LRBA: variants seen among roughly 807,000 people sequenced by gnomAD.
LRBA encodes the protein LPS responsive beige-like anchor protein.
In LRBA, 176 loss-of-function variants were observed where a neutral mutation model predicts 330.0. The ratio of observed to expected loss-of-function variants is 0.53; its 90% CI spans 0.47 to 0.60. LRBA has a LOEUF of 0.60. Ranked by LOEUF, LRBA falls within the 20% of genes least tolerant of loss-of-function variation. The probability of loss-of-function intolerance (pLI) is 0.00; values close to 1 mark genes in which losing one functional copy is unlikely to be tolerated. For synonymous variants in LRBA, 1,230 were observed against 1,193.0 expected (o/e 1.03, Z -0.64); for missense variants, 3,259 against 3,444.8 (o/e 0.95, Z 1.35).
intron 40 of LRBA, among the ~76,000 whole-genome samples, chr4:150,496,841 A>G (rs901523670): frequency 3.9e-5 from 6 of 152,102 alleles, no homozygotes; most frequent in African/African-American, 1.4e-4. Flanking sequence ...AATACATTTA[A>G]CATCAGGAAA....
intron 34 of LRBA, among the ~76,000 whole-genome samples, chr4:150,784,971 G>A (rs897369653): frequency 7.2e-5 from 11 of 152,222 alleles, no homozygotes; most frequent in African/African-American, 2.2e-4. Context: ...CACCTTGCCC[G>A]CTGCCTAGAC....
intron 40 of LRBA, among the ~76,000 whole-genome samples, chr4:150,494,809 C>T (rs993612679): frequency 6.6e-5 from 10 of 152,096 alleles, no homozygotes; most frequent in African/African-American, 1.9e-4. Flanking sequence ...TCCTAGCTAA[C>T]AAGGTAAAAC....
At chr4:150,639,817 GTGTATATATA>G (rs1374994573) in intron 37 of LRBA, among the ~76,000 whole-genome samples, 10 of 5,360 alleles carry the variant, frequency 1.9e-3, no homozygotes, top group African/African-American at 4.1e-3. Context: ...GTGTGTGTGT[GTGTATATATA>G]TATATATATA....
rs1581006869 is a variant in LRBA at position 150,321,691 on chromosome 4, C to A, written c.7453-323G>T. ...CTAAAAGAATGATTTGATTTAGATT[C>A]TACACAGGCAAAGTGCTGGGGATTG... On this transcript the variant is annotated intron_variant, in intron 49 of 56. Coordinates refer to ENST00000651943, the MANE Select transcript of LRBA (RefSeq NM_001364905.1). This position sits in a 1 kb window ranked among gnomAD's most constrained non-coding sequence, Gnocchi z 4.5. 1.3e-5 allele frequency among the ~76,000 whole-genome samples: 2 copies of A among 152,136 alleles called. No homozygotes were observed. The highest frequency in any genetic ancestry group is 4.1e-4 in the South Asian group (2 of 4,832).
chr4:150,768,038 T>C (rs1736014912), intron 34 of LRBA, among the ~76,000 whole-genome samples: 1 of 128,700 alleles, frequency 7.8e-6, no homozygotes, highest in Non-Finnish European at 1.5e-5. Context: ...CACTCCAGCC[T>C]GGGCAACAGA....
chr4:150,385,438 T>A (rs1742919941), intron 47 of LRBA, among the ~76,000 whole-genome samples: 1 of 152,222 alleles, frequency 6.6e-6, no homozygotes, highest in Admixed American at 6.5e-5. Context: ...ACTATTGTTT[T>A]ATTTTCTATT....
rs1732633176 is a variant in LRBA at position 150,916,709 on chromosome 4, C to T, written c.675G>A (p.Trp225Ter). ...GAAATGTAAAACCATTCTGGTATGG[C>T]CATTTGGCTATAGGAGGTAATGCAA... is the stretch of plus-strand genomic sequence containing the variant. ...AAIALPPIAKWPYQNGFTFHT... is the reference protein window; with the variant it reads ...AAIALPPIAK Residue 225 changes from tryptophan (W) to a stop codon, truncating the protein, a stop_gained, in exon 6 of 57, where the codon TGG (tryptophan) becomes TGA (stop). Coordinates refer to ENST00000651943, the MANE Select transcript of LRBA (RefSeq NM_001364905.1). LOFTEE classifies it high-confidence loss of function. 1 of 1,587,762 alleles carries T rather than the reference C, an allele frequency of 6.3e-7. No homozygotes were observed. The highest frequency in any genetic ancestry group is 1.9e-5 in the Admixed American group (1 of 53,704).
chr4:150,517,568 C>T (rs564750805), intron 40 of LRBA, among the ~76,000 whole-genome samples: 1 of 151,602 alleles, frequency 6.6e-6, no homozygotes, highest in Non-Finnish European at 1.5e-5. Flanking sequence ...ATGATGGGGG[C>T]AAGAGGAGAA....
At chr4:150,543,989 G>A (rs1359975781) in intron 40 of LRBA, among the ~76,000 whole-genome samples, 1 of 152,162 alleles carries the variant, frequency 6.6e-6, no homozygotes, top group East Asian at 1.9e-4. Context: ...ATCTGATTGG[G>A]TTTAGTTACT....
intron 40 of LRBA, among the ~76,000 whole-genome samples, chr4:150,531,406 T>C (rs1532822): frequency 0.87 from 131,920 of 152,160 alleles, 58,092 homozygotes; most frequent in Non-Finnish European, 0.95. Flanking sequence ...CATTAGACAG[T>C]CCTCATGGCT....
intron 17 of LRBA, among the ~76,000 whole-genome samples, chr4:150,886,732 A>G (rs1268203210): frequency 6.6e-6 from 1 of 152,170 alleles, no homozygotes; most frequent in African/African-American, 2.4e-5. Context: ...ACAACAAAAC[A>G]TGTGTTAGAG....
At chr4:150,400,841 T>TA (rs947765182) in intron 47 of LRBA, among the ~76,000 whole-genome samples, 2 of 151,916 alleles carry the variant, frequency 1.3e-5, no homozygotes, top group Non-Finnish European at 1.5e-5. Context: ...GTCTTAAAAT[T>TA]AAAAAAATAA....
At chr4:150,422,194 A>T (rs1581260824) in intron 46 of LRBA, among the ~76,000 whole-genome samples, 1 of 152,158 alleles carries the variant, frequency 6.6e-6, no homozygotes, top group East Asian at 1.9e-4. Context: ...TGGGAGGGCA[A>T]GGCTGCAGTG....
intron 2 of LRBA, among the ~76,000 whole-genome samples, chr4:150,939,907 G>C (rs940259282): frequency 2.0e-5 from 3 of 152,014 alleles, no homozygotes; most frequent in Non-Finnish European, 4.4e-5. Context: ...ACACTAACAG[G>C]CCAGACTTCA....
intron 34 of LRBA, among the ~76,000 whole-genome samples, chr4:150,795,413 T>TA (rs1179351480): frequency 6.6e-6 from 1 of 152,032 alleles, no homozygotes; most frequent in African/African-American, 2.4e-5. Context: ...ACAGAGAACA[T>TA]ACAGTTTCCT....
intron 17 of LRBA, among the ~76,000 whole-genome samples, chr4:150,879,989 A>G (rs1476037792): frequency 6.6e-6 from 1 of 152,242 alleles, no homozygotes; most frequent in Non-Finnish European, 1.5e-5. Flanking sequence ...ACCCAACTTC[A>G]AACTATACTA....
At chr4:150,269,743 GTT>G (rs1745822611) in intron 56 of LRBA, among the ~76,000 whole-genome samples, 1 of 152,118 alleles carries the variant, frequency 6.6e-6, no homozygotes, top group Non-Finnish European at 1.5e-5. Context: ...GAGCCCAGGA[GTT>G]TAAGACCAGC....
At chr4:150,280,664 AACTT>A (rs1342849735) in intron 55 of LRBA, among the ~76,000 whole-genome samples, 1 of 152,174 alleles carries the variant, frequency 6.6e-6, no homozygotes, top group Admixed American at 6.5e-5. Context: ...ATTTCACAGA[AACTT>A]AATTTCTGGT....
intron 40 of LRBA, among the ~76,000 whole-genome samples, chr4:150,503,512 C>G (rs921337373): frequency 7.2e-5 from 11 of 151,932 alleles, no homozygotes; most frequent in African/African-American, 2.7e-4. Flanking sequence ...CTCTACCAAA[C>G]TCTCTGCAGC....
Sources: gnomAD v4.1 joint callset for allele counts (sites outside exome capture counted in the v4.1 genomes callset) on GRCh38, gnomAD v4.1.1 for gene constraint, Gnocchi (gnomAD v3.1) non-coding constraint, MANE v1.5 for transcripts, NCBI Gene and HGNC (gene_info 2026-07-23, HGNC 2026-07-21) for gene names.